Variants in TNKS observed in about 807,000 individuals in gnomAD.
The protein encoded by TNKS is poly [ADP-ribose] polymerase tankyrase-1.
Under a neutral mutation model 135.8 loss-of-function variants are expected in TNKS, and 72 were observed. The ratio of observed to expected loss-of-function variants is 0.53; its 90% CI spans 0.44 to 0.64. TNKS has a LOEUF of 0.64. Ranked by LOEUF, TNKS falls within the 30% of genes least tolerant of loss-of-function variation. The pLI is 0.00. For missense variants in TNKS, 1,769 were observed against 1,674.0 expected (o/e 1.06, Z -0.99); for synonymous variants, 849 against 649.3 (o/e 1.31, Z -4.68).
At chr8:9,556,801 T>TA in intron 1 of TNKS, 189 bp downstream of exon 1, 1 of 512,618 alleles carries the variant, frequency 2.0e-6, no homozygotes, top group Non-Finnish European at 3.5e-6. Flanking sequence ...TTGGGGGGGA[T>TA]AAGTGAATCC....
chr8:9,579,860 C>T (rs1798103737), intron 1 of TNKS, among the ~76,000 whole-genome samples: 1 of 152,098 alleles, frequency 6.6e-6, no homozygotes, highest in Non-Finnish European at 1.5e-5. Flanking sequence ...AAAGTGAGTT[C>T]CTGGATAAGT....
In TNKS at chr8:9,777,839, G is replaced by C. The variant is rs1021255671; in HGVS notation, c.*1103G>C. 2 of 152,384 alleles carry C rather than the reference G, an allele frequency of 1.3e-5. No individual in the cohort carries two copies. Among genetic ancestry groups the C allele is most frequent in the African/African-American group, 4.8e-5 (2 of 41,440 alleles). The allele number at this position is 152,384 out of a possible 1,614,324, so 9.4% of individuals were successfully genotyped here. The stretch of plus-strand genomic sequence containing the variant: ...ATACCACTTGATTGTTTCTTTAGTT[G>C]AGAATGCTGGGATTCAGACTCGAAT... On this transcript the variant is annotated 3_prime_UTR_variant, in exon 27 of 27. Transcript: ENST00000310430.
intron 5 of TNKS, among the ~76,000 whole-genome samples, chr8:9,696,486 A>C (rs1407030693): frequency 6.6e-6 from 1 of 151,920 alleles, no homozygotes; most frequent in African/African-American, 2.4e-5. Flanking sequence ...CTGGATAGGG[A>C]AAAAAAACAA....
intron 3 of TNKS, among the ~76,000 whole-genome samples, chr8:9,676,682 C>CTGTG (rs1348132491): frequency 2.6e-4 from 20 of 75,920 alleles, no homozygotes; most frequent in Non-Finnish European, 3.9e-4. Flanking sequence ...CCCTCTCTCT[C>CTGTG]TCTCTGTGTG....
At position 9,665,181 on chromosome 8, in the gene TNKS, T is replaced by G. The variant is rs547872856; in HGVS notation, c.995-14770T>G. Among the ~76,000 whole-genome samples the G allele has an allele frequency of 5.1e-4, 77 of 152,326 alleles. 1 individual carries two copies. In the South Asian group the frequency reaches 0.015, roughly 29 times the overall value. ...TAAGTTTCCATTTGCTGTTTTGAAA[T>G]TTGTTACATTGGTTTCCTTGAGCTT... On this transcript the variant is annotated intron_variant, in intron 3 of 26. Coordinates refer to ENST00000310430, the MANE Select transcript of TNKS (RefSeq NM_003747.3).
intron 1 of TNKS, among the ~76,000 whole-genome samples, chr8:9,565,654 A>C (rs1377167858): frequency 6.6e-6 from 1 of 152,138 alleles, no homozygotes; most frequent in African/African-American, 2.4e-5. Context: ...GATGGAGGCC[A>C]TCCTGGCTAG....
intron 2 of TNKS, among the ~76,000 whole-genome samples, chr8:9,591,940 C>G (rs1457848184): frequency 6.6e-6 from 1 of 152,178 alleles, no homozygotes; most frequent in Non-Finnish European, 1.5e-5. Flanking sequence ...AGGGCTGCTG[C>G]TTCAAATGCT....
intron 3 of TNKS, among the ~76,000 whole-genome samples, chr8:9,650,230 C>A (rs1021050932): frequency 1.3e-5 from 2 of 152,054 alleles, no homozygotes; most frequent in African/African-American, 4.8e-5. Context: ...GATTGATGGG[C>A]ATTTGGGCTG....
intron 17 of TNKS, among the ~76,000 whole-genome samples, chr8:9,747,177 C>A (rs1343061042): frequency 6.6e-6 from 1 of 152,116 alleles, no homozygotes; most frequent in African/African-American, 2.4e-5. Context: ...GCCACCGCAC[C>A]CAGCCCCTAC....
At chr8:9,595,532 A>G (rs995098259) in intron 2 of TNKS, among the ~76,000 whole-genome samples, 2 of 151,886 alleles carry the variant, frequency 1.3e-5, no homozygotes, top group African/African-American at 4.8e-5. Flanking sequence ...ATTCTGTACA[A>G]TAGTGGTAGA....
In TNKS at chr8:9,556,042, C is replaced by G. The variant is rs566458697; in HGVS notation, c.103C>G (p.Leu35Val). Reference sequence around the variant, plus strand: ...GCCGCCGCCGCCACCTCCTCCCCCACTCAGCCCTGGCCTGGCCCCGGGGAC... The same window carrying G: ...GCCGCCGCCGCCACCTCCTCCCCCAGTCAGCCCTGGCCTGGCCCCGGGGAC... ...SAPPPPPPPP[L>V]SPGLAPGTTP... Residue 35 changes from leucine to valine, a missense_variant, in exon 1 of 27, where the codon CTC (leucine) becomes GTC (valine). Coordinates refer to ENST00000310430, the MANE Select transcript of TNKS (RefSeq NM_003747.3). 1.6e-5 allele frequency: 25 copies of G among 1,611,552 alleles called. No homozygotes were observed. The East Asian group carries it at 4.9e-4, about 32-fold the overall frequency.
chr8:9,620,606 G>A (rs978652840), intron 3 of TNKS, among the ~76,000 whole-genome samples: 2 of 152,132 alleles, frequency 1.3e-5, no homozygotes, highest in African/African-American at 2.4e-5. Flanking sequence ...GTCTTCTACT[G>A]TATTCTCTCT....
chr8:9,632,855 G>A (rs1352753772), intron 3 of TNKS, among the ~76,000 whole-genome samples: 3 of 152,108 alleles, frequency 2.0e-5, no homozygotes, highest in Middle Eastern at 3.4e-3. Context: ...TCAGCCTCCC[G>A]AGTAGCTGGG....
intron 5 of TNKS, among the ~76,000 whole-genome samples, chr8:9,685,130 GAC>G (rs1802935246): frequency 6.6e-6 from 1 of 152,106 alleles, no homozygotes; most frequent in Non-Finnish European, 1.5e-5. Context: ...TAATGAAGAT[GAC>G]TGGAAACAGA....
chr8:9,641,752 G>T (rs116815148), intron 3 of TNKS, among the ~76,000 whole-genome samples: 1 of 144,864 alleles, frequency 6.9e-6, no homozygotes, highest in Non-Finnish European at 1.5e-5. Flanking sequence ...GGCCAGTTAT[G>T]ATGATATATT....
chr8:9,604,766 A>G (rs999390089), intron 2 of TNKS, among the ~76,000 whole-genome samples: 3 of 151,692 alleles, frequency 2.0e-5, no homozygotes, highest in Non-Finnish European at 4.4e-5. Flanking sequence ...GTGTGTATGT[A>G]TATATATATT....
chr8:9,614,706 A>T (rs1244631721), intron 2 of TNKS, among the ~76,000 whole-genome samples: 1 of 152,172 alleles, frequency 6.6e-6, no homozygotes, highest in African/African-American at 2.4e-5. Flanking sequence ...TTTTTAATAC[A>T]TTCATTGATT....
intron 3 of TNKS, among the ~76,000 whole-genome samples, chr8:9,631,728 A>G (rs1800296626): frequency 6.7e-6 from 1 of 150,188 alleles, no homozygotes; most frequent in Non-Finnish European, 1.5e-5. Flanking sequence ...CTTTTCCAAA[A>G]TAACGCTGCA....
chr8:9,586,134 A>G (rs1798371775), intron 2 of TNKS, among the ~76,000 whole-genome samples: 2 of 152,212 alleles, frequency 1.3e-5, no homozygotes, highest in Admixed American at 6.5e-5. Flanking sequence ...TAACATGATT[A>G]GAAATAGTTT....
Sources: gnomAD v4.1 joint callset for allele counts (sites outside exome capture counted in the v4.1 genomes callset) on GRCh38, gnomAD v4.1.1 for gene constraint, MANE v1.5 for transcripts, NCBI Gene and HGNC (gene_info 2026-07-23, HGNC 2026-07-21) for gene names.